Variants in ACOXL observed in about 807,000 individuals in gnomAD.
ACOXL encodes acyl-CoA oxidase like.
Under a neutral mutation model 71.9 loss-of-function variants are expected in ACOXL, and 70 were observed. The observed-to-expected ratio is 0.97, with a 90% confidence interval of 0.80 to 1.19. The LOEUF (loss-of-function observed/expected upper bound fraction) is 1.19. Among genes scored for constraint, ACOXL ranks in the 50% most tolerant of loss-of-function variants. ACOXL has a pLI of 0.00. For synonymous variants in ACOXL, 253 were observed against 281.6 expected, an observed-to-expected ratio of 0.90 and a Z score of 1.02; for missense variants, 703 against 736.3, an observed-to-expected ratio of 0.95 and a Z score of 0.52.
chr2:110,989,790 C>T lies in ACOXL; in HGVS notation c.1169+2573C>T, dbSNP rs576077259. Among the ~76,000 whole-genome samples, 15 of 152,286 alleles carry T rather than the reference C, an allele frequency of 9.8e-5. No homozygotes were observed. The South Asian group carries it at 2.9e-3, about 29-fold the overall frequency. On this transcript the variant is annotated intron_variant, in intron 13 of 17. Coordinates refer to ENST00000439055, the MANE Select transcript of ACOXL (RefSeq NM_001142807.4). ...TGGGCACAGTGGCTTATGCGTGTAT[C>T]AGCACTTTGGGAGGCTGAGACGGGT...
chr2:110,915,428 A>ATTT (rs56961921), intron 11 of ACOXL, among the ~76,000 whole-genome samples: 5 of 108,010 alleles, frequency 4.6e-5, no homozygotes, highest in South Asian at 2.8e-4. Flanking sequence ...ATATATATAT[A>ATTT]TTTTTTTTTT....
chr2:111,014,761 G>C (rs1348287715), intron 14 of ACOXL, among the ~76,000 whole-genome samples: 2 of 152,204 alleles, frequency 1.3e-5, no homozygotes, highest in African/African-American at 4.8e-5. Flanking sequence ...CATGGTACTG[G>C]CATCAGAATA....
In ACOXL at chr2:110,929,623, T is replaced by A. The variant is rs182433326; in HGVS notation, c.906-3866T>A. Among the ~76,000 whole-genome samples the A allele has an allele frequency of 5.4e-4, 83 of 152,324 alleles. 2 individuals carry two copies. Among genetic ancestry groups the A allele is most frequent in the Admixed American group, 4.0e-3 (61 of 15,300 alleles). On this transcript the variant is annotated intron_variant, in intron 11 of 17. Transcript: ENST00000439055. Reference sequence around the variant, plus strand: ...ACAATGGCAAAATGTCTACAGAGCATGTCAGAGACCTTTGCAGCAGCCCCT... The same window carrying A: ...ACAATGGCAAAATGTCTACAGAGCAAGTCAGAGACCTTTGCAGCAGCCCCT...
intron 10 of ACOXL, 97 bp from the exon 11 acceptor site, chr2:110,908,692 G>T: frequency 1.1e-6 from 1 of 929,776 alleles, no homozygotes; most frequent in Non-Finnish European, 1.7e-6. Context: ...TGGAGTCTTT[G>T]GAAGGCAAAT....
intron 11 of ACOXL, among the ~76,000 whole-genome samples, chr2:110,909,363 G>C (rs752113588): frequency 6.6e-6 from 1 of 152,110 alleles, no homozygotes; most frequent in Non-Finnish European, 1.5e-5. Context: ...TGTACCATAA[G>C]TACACCTGGA....
chr2:111,062,864 C>G (rs75579237), intron 16 of ACOXL, among the ~76,000 whole-genome samples: 1 of 151,894 alleles, frequency 6.6e-6, no homozygotes, highest in African/African-American at 2.4e-5. Context: ...GGAACAACAA[C>G]GAAACAAAGA....
chr2:110,843,575 C>T (rs1691441371), intron 10 of ACOXL, among the ~76,000 whole-genome samples: 1 of 152,166 alleles, frequency 6.6e-6, no homozygotes, highest in Non-Finnish European at 1.5e-5. Context: ...TCAGCCTTGA[C>T]CCCAAACTTA....
chr2:111,027,424 C>T (rs543584602), intron 14 of ACOXL, among the ~76,000 whole-genome samples: 4 of 151,766 alleles, frequency 2.6e-5, no homozygotes, highest in East Asian at 1.9e-4. Flanking sequence ...TGTGTTCAAG[C>T]GATTCTTCTG....
At position 110,768,413 on chromosome 2, in the gene ACOXL, A is replaced by G. The variant is rs1208745366; in HGVS notation, c.24A>G (p.Arg8=). The G allele has an allele frequency of 2.4e-5, 38 of 1,613,922 alleles. No individual in the cohort carries two copies. In the Admixed American group the frequency reaches 6.3e-4, roughly 27 times the overall value. The part of the protein sequence containing the change: MRALTVQ[R]VKFAMDLPLL... ...AAATGAGAGCTTTGACAGTTCAGAG[A>G]GTGAAGTTTGCCATGGACCTGCCTC... Residue 8 remains arginine, a synonymous_variant, in exon 2 of 18, where the codon AGA becomes AGG. Coordinates refer to ENST00000439055, the MANE Select transcript of ACOXL (RefSeq NM_001142807.4).
intron 9 of ACOXL, among the ~76,000 whole-genome samples, chr2:110,828,840 T>C (rs961583494): frequency 6.6e-6 from 1 of 152,098 alleles, no homozygotes; most frequent in African/African-American, 2.4e-5. Flanking sequence ...AGATGGAGTT[T>C]TGTTCTTGTT....
intron 10 of ACOXL, among the ~76,000 whole-genome samples, chr2:110,860,816 G>A (rs920285604): frequency 5.3e-5 from 8 of 152,152 alleles, no homozygotes; most frequent in Non-Finnish European, 8.8e-5. Context: ...AGTGGCAGCC[G>A]GGCTTATCTG....
intron 16 of ACOXL, among the ~76,000 whole-genome samples, chr2:111,052,020 C>T (rs1209055610): frequency 2.0e-5 from 3 of 152,184 alleles, no homozygotes; most frequent in African/African-American, 7.2e-5. Context: ...TATAGACAGA[C>T]TGCCAAGAAG....
intron 12 of ACOXL, among the ~76,000 whole-genome samples, chr2:110,936,180 A>G (rs1336912185): frequency 1.3e-5 from 2 of 151,748 alleles, no homozygotes; most frequent in Admixed American, 1.3e-4. Flanking sequence ...GTGCATGCAG[A>G]CTCCACAGAT....
chr2:110,984,012 T>C (rs2062827375), intron 12 of ACOXL, among the ~76,000 whole-genome samples: 1 of 152,052 alleles, frequency 6.6e-6, no homozygotes, highest in African/African-American at 2.4e-5. Flanking sequence ...CCCGGCTAAT[T>C]TTTTAATGTT....
intron 17 of ACOXL, among the ~76,000 whole-genome samples, chr2:111,105,458 G>A (rs2069471138): frequency 6.7e-6 from 1 of 148,542 alleles, no homozygotes. Flanking sequence ...TCCAGTCTCT[G>A]AATATGGTAT....
chr2:110,966,879 C>T (rs1009447735), intron 12 of ACOXL, among the ~76,000 whole-genome samples: 2 of 152,234 alleles, frequency 1.3e-5, no homozygotes, highest in African/African-American at 2.4e-5. Context: ...CCTTTTCCTC[C>T]AGCATGGTGT....
At position 111,095,580 on chromosome 2, in the gene ACOXL, AG is replaced by A. The variant is rs201834010; in HGVS notation, c.1542+2617del. The stretch of plus-strand genomic sequence containing the variant: ...TAATTTTTGTATTTTTAGTAGAGAC[AG>A]GGTTTCGCCATGCTGTCCAGGCTGA... On this transcript the variant is annotated intron_variant, in intron 17 of 17. Transcript: ENST00000439055. 9.0e-3 allele frequency among the ~76,000 whole-genome samples: 1,374 copies of A among 152,022 alleles called. 16 individuals carry two copies. Among genetic ancestry groups the A allele is most frequent in the East Asian group, 0.051 (261 of 5,162 alleles).
intron 17 of ACOXL, among the ~76,000 whole-genome samples, chr2:111,113,409 G>A (rs758365610): frequency 2.6e-5 from 4 of 152,162 alleles, no homozygotes; most frequent in Non-Finnish European, 4.4e-5. Context: ...GCAGAACACC[G>A]AAGACCTTGG....
intron 1 of ACOXL, among the ~76,000 whole-genome samples, chr2:110,765,436 G>A (rs1267865734): frequency 6.6e-6 from 1 of 151,766 alleles, no homozygotes; most frequent in Non-Finnish European, 1.5e-5. Context: ...TGTTATTATT[G>A]TCCCAAATGT....
Sources: allele counts gnomAD v4.1 joint callset (sites outside exome capture counted in the v4.1 genomes callset), GRCh38; gene constraint gnomAD v4.1.1; transcripts MANE v1.5; gene names NCBI Gene and HGNC (gene_info 2026-07-23, HGNC 2026-07-21).